The following RGS6 variants were observed in gnomAD, a reference collection of about 807,000 sequenced individuals.
RGS6 encodes the protein regulator of G protein signaling 6, also known as regulator of G-protein signaling 6.
Under a neutral mutation model 78.5 loss-of-function variants are expected in RGS6, and 30 were observed. The observed-to-expected ratio is 0.38, with a 90% CI of 0.29 to 0.52. RGS6 has a LOEUF of 0.52. Ranked by LOEUF, RGS6 falls within the 20% of genes least tolerant of loss-of-function variation. The probability of loss-of-function intolerance (pLI) is 0.85; values close to 1 mark genes in which losing one functional copy is unlikely to be tolerated. For synonymous variants in RGS6, 206 were observed against 206.0 expected, an observed-to-expected ratio of 1.00 and a Z score of 0.00; for missense variants, 495 against 609.7, an observed-to-expected ratio of 0.81 and a Z score of 1.98.
chr14:72,541,634 ATC>A (rs1420591837), intron 17 of RGS6: 2 of 1,534,580 alleles, frequency 1.3e-6, no homozygotes, highest in East Asian at 2.4e-5. Context: ...GTGGGATCCC[ATC>A]TCTCTCTGTT....
chr14:72,523,405 C>T (rs1431190074), intron 15 of RGS6, among the ~76,000 whole-genome samples: 1 of 152,190 alleles, frequency 6.6e-6, no homozygotes, highest in Non-Finnish European at 1.5e-5. Context: ...CTCTGGGTGG[C>T]TTCCTCAGCT....
chr14:72,526,337 C>T (rs1323878747), intron 15 of RGS6, among the ~76,000 whole-genome samples: 3 of 152,226 alleles, frequency 2.0e-5, no homozygotes, highest in South Asian at 2.1e-4. Flanking sequence ...GATCTCCTGA[C>T]CTCATGATCT....
intron 12 of RGS6, among the ~76,000 whole-genome samples, chr14:72,486,621 A>G (rs937562848): frequency 4.6e-5 from 7 of 152,206 alleles, no homozygotes; most frequent in East Asian, 1.9e-4. Flanking sequence ...CAGCACTTCT[A>G]TCTCCATTTG....
intron 17 of RGS6, among the ~76,000 whole-genome samples, chr14:72,557,990 A>AT (rs376596433): frequency 8.0e-5 from 12 of 150,430 alleles, no homozygotes; most frequent in South Asian, 2.1e-4. Flanking sequence ...TTTTGTCCTA[A>AT]TTTTTTTTTT....
At chr14:72,585,035 C>T in the RGS6 span, among the ~76,000 whole-genome samples, 2 of 149,322 alleles carry the variant, frequency 1.3e-5, no homozygotes, top group Admixed American at 6.6e-5. Flanking sequence ...GAGACCCAAG[C>T]ATTATGTCGT....
At chr14:71,982,501 G>T (rs1566956651) in intron 2 of RGS6, among the ~76,000 whole-genome samples, 1 of 152,158 alleles carries the variant, frequency 6.6e-6, no homozygotes, top group Admixed American at 6.5e-5. Flanking sequence ...CTGGACTTCA[G>T]TTCTTCTTAG....
chr14:72,155,228 G>C (rs2096753430), intron 2 of RGS6, among the ~76,000 whole-genome samples: 1 of 152,240 alleles, frequency 6.6e-6, no homozygotes, highest in African/African-American at 2.4e-5. Context: ...TTGCAGCCAT[G>C]CCAAATCCAA....
chr14:72,346,098 T>C (rs933185765), intron 2 of RGS6, among the ~76,000 whole-genome samples: 2 of 152,188 alleles, frequency 1.3e-5, no homozygotes, highest in African/African-American at 2.4e-5. Context: ...AGGCAACTGA[T>C]TGCAAAGTCA....
chr14:72,400,912 C>G (rs1002601623), intron 3 of RGS6, among the ~76,000 whole-genome samples: 6 of 147,688 alleles, frequency 4.1e-5, no homozygotes, highest in African/African-American at 1.6e-4. Context: ...TGAGGAGGAG[C>G]CAGGTGGCAG....
At chr14:72,259,992 C>G (rs1272354616) in intron 2 of RGS6, among the ~76,000 whole-genome samples, 3 of 151,634 alleles carry the variant, frequency 2.0e-5, no homozygotes, top group Non-Finnish European at 4.4e-5. Flanking sequence ...AAACTAATCT[C>G]CTAGCAAGTA....
chr14:72,303,680 C>T (rs1208814937), intron 2 of RGS6, among the ~76,000 whole-genome samples: 1 of 152,070 alleles, frequency 6.6e-6, no homozygotes, highest in African/African-American at 2.4e-5. Context: ...TTTTTTACCC[C>T]ATCCTCAATC....
chr14:72,465,436 AGGTCC>A (rs2095874905), intron 6 of RGS6, among the ~76,000 whole-genome samples: 1 of 47,858 alleles, frequency 2.1e-5, no homozygotes, highest in Admixed American at 2.4e-4. Context: ...AGGGGTCATG[AGGTCC>A]ACTTAGAAAA....
chr14:72,450,753 A>C (rs895242007), intron 3 of RGS6, among the ~76,000 whole-genome samples: 1 of 152,224 alleles, frequency 6.6e-6, no homozygotes. Context: ...TCTTTAGAAC[A>C]GGAAGGAAAG....
intron 3 of RGS6, among the ~76,000 whole-genome samples, chr14:72,410,727 T>C (rs993697474): frequency 1.3e-5 from 2 of 152,214 alleles, no homozygotes; most frequent in African/African-American, 2.4e-5. Context: ...CTTTAATCCA[T>C]CTTGAATTAA....
chr14:72,545,195 G>A (rs1273717469), intron 17 of RGS6, among the ~76,000 whole-genome samples: 1 of 152,200 alleles, frequency 6.6e-6, no homozygotes, highest in African/African-American at 2.4e-5. Flanking sequence ...GACTCCTTTG[G>A]GACCACTGGG....
the RGS6 span, among the ~76,000 whole-genome samples, chr14:72,575,969 A>G: frequency 6.6e-6 from 1 of 152,200 alleles, no homozygotes; most frequent in Non-Finnish European, 1.5e-5. Context: ...AGACGGCCAG[A>G]GCCAGAGGCT....
intron 3 of RGS6, among the ~76,000 whole-genome samples, chr14:72,445,763 C>T (rs1055983035): frequency 2.6e-5 from 4 of 152,178 alleles, no homozygotes; most frequent in Admixed American, 2.6e-4. Flanking sequence ...ACAGAACTAA[C>T]AGGGTCCCTG....
In RGS6 at chr14:72,563,647, C is replaced by G. The variant is rs1366081844; in HGVS notation, c.*1180C>G. On this transcript the variant is annotated 3_prime_UTR_variant, in exon 18 of 18. Coordinates refer to ENST00000553525, the MANE Select transcript of RGS6 (RefSeq NM_001204424.2). ...AACCTGCAAAAGATCCACCTGTATTCCCTGTGTGTGTGTGTCAAAATGACC... is the reference window on the plus strand; with the variant it reads ...AACCTGCAAAAGATCCACCTGTATTGCCTGTGTGTGTGTGTCAAAATGACC... The G allele has an allele frequency of 6.6e-6, 1 of 152,272 alleles. No individual in the cohort carries two copies. Among genetic ancestry groups the G allele is most frequent in the Non-Finnish European group, 1.5e-5 (1 of 68,082 alleles). The allele number at this position is 152,272 out of a possible 1,614,324, so 9.4% of individuals were successfully genotyped here.
chr14:72,204,310 G>A (rs1397938056), intron 2 of RGS6, among the ~76,000 whole-genome samples: 2 of 152,172 alleles, frequency 1.3e-5, no homozygotes, highest in Non-Finnish European at 2.9e-5. Flanking sequence ...TTTCTTGGAA[G>A]CAAGTCACCA....
Sources: allele counts gnomAD v4.1 joint callset (sites outside exome capture counted in the v4.1 genomes callset), GRCh38; gene constraint gnomAD v4.1.1; transcripts MANE v1.5; gene names NCBI Gene and HGNC (gene_info 2026-07-23, HGNC 2026-07-21).